BIRC6: variants seen among roughly 807,000 people sequenced by gnomAD.
BIRC6 encodes dual E2 ubiquitin-conjugating enzyme/E3 ubiquitin-protein ligase BIRC6.
A neutral mutation model predicts 503.3 loss-of-function variants in BIRC6; 98 were observed. The ratio of observed to expected loss-of-function variants is 0.19; its 90% CI spans 0.17 to 0.23. The LOEUF (loss-of-function observed/expected upper bound fraction) is 0.23. Among genes scored for constraint, BIRC6 ranks in the 10% least tolerant of loss-of-function variants. BIRC6 has a pLI of 1.00. For missense variants in BIRC6, 5,360 were observed against 5,806.0 expected (o/e 0.92, Z 2.50); for synonymous variants, 2,240 against 2,078.7 (o/e 1.08, Z -2.11).
At chr2:32,365,108 GCT>G (rs2034702671) in intron 1 of BIRC6, among the ~76,000 whole-genome samples, 1 of 152,016 alleles carries the variant, frequency 6.6e-6, no homozygotes, top group East Asian at 1.9e-4. Context: ...ATGTACTTTG[GCT>G]CTGTTTCTGG....
At position 32,583,772 on chromosome 2, in the gene BIRC6, C is replaced by G. The variant is rs376929856; in HGVS notation, c.13355+8406C>G. Among the ~76,000 whole-genome samples the G allele has an allele frequency of 5.9e-5, 9 of 152,246 alleles. No homozygotes were observed. In the East Asian group the frequency reaches 1.7e-3, roughly 29 times the overall value. Reference sequence around the variant, plus strand: ...CTGAGACAGTCTCTCACTCTGTCGCCCAGGCTGGAGTGCAGTGACATAATC... The same window carrying G: ...CTGAGACAGTCTCTCACTCTGTCGCGCAGGCTGGAGTGCAGTGACATAATC... On this transcript the variant is annotated intron_variant, in intron 66 of 73. Transcript: ENST00000421745.
At chr2:32,617,626 G>C (rs2063330343) in intron 73 of BIRC6, 99 bp from the exon 74 acceptor site, 1 of 1,266,126 alleles carries the variant, frequency 7.9e-7, no homozygotes, top group East Asian at 2.5e-5. Flanking sequence ...ATATTTGTAG[G>C]CTTAATGCTT....
chr2:32,519,172 A>G (rs1345727335), intron 57 of BIRC6: 2 of 403,850 alleles, frequency 5.0e-6, no homozygotes, highest in Admixed American at 3.7e-5. Flanking sequence ...ACAGTGAGAA[A>G]TGGGCAGCTA....
At chr2:32,386,139 G>C (rs776475255) in intron 3 of BIRC6, among the ~76,000 whole-genome samples, 9 of 152,212 alleles carry the variant, frequency 5.9e-5, no homozygotes, top group Non-Finnish European at 1.0e-4. Flanking sequence ...TCTAGAATGT[G>C]AGATGTGGTC....
chr2:32,460,272 A>ATATATATATT (rs1278940587), intron 23 of BIRC6, among the ~76,000 whole-genome samples: 4 of 18,818 alleles, frequency 2.1e-4, no homozygotes, highest in Admixed American at 1.3e-3. Flanking sequence ...ATATATATAT[A>ATATATATATT]TTTTTTTTTT....
chr2:32,597,745 T>G lies in BIRC6; in HGVS notation c.13613-6T>G. On this transcript the variant is annotated splice_polypyrimidine_tract_variant and splice_region_variant and intron_variant, in intron 68 of 73. Transcript: ENST00000421745. ...TTCTGGGTTTTATTTTTTCTTCTCCTTTTAGATACGTTTGAAATGGTTTCT... is the reference window on the plus strand; with the variant it reads ...TTCTGGGTTTTATTTTTTCTTCTCCGTTTAGATACGTTTGAAATGGTTTCT... 1 of 1,604,168 alleles carries G rather than the reference T, an allele frequency of 6.2e-7. No individual in the cohort carries two copies. Among genetic ancestry groups the G allele is most frequent in the Non-Finnish European group, 8.5e-7 (1 of 1,171,252 alleles).
rs201438883 is a variant in BIRC6 at position 32,607,405 on chromosome 2, C to T, written c.14071-50C>T. Reference sequence around the variant, plus strand: ...GTGGATAAAGCAGGATATCAGTTAACCCACAGTAAAAATGTCCCATCATAG... The same window carrying T: ...GTGGATAAAGCAGGATATCAGTTAATCCACAGTAAAAATGTCCCATCATAG... On this transcript the variant is annotated intron_variant, in intron 71 of 73. Transcript: ENST00000421745. 9.3e-6 allele frequency: 12 copies of T among 1,285,934 alleles called. No homozygotes were observed. The African/African-American group carries it at 1.5e-4, about 16-fold the overall frequency. The allele number at this position is 1,285,934 out of a possible 1,614,324, so 79.7% of individuals were successfully genotyped here.
intron 6 of BIRC6, among the ~76,000 whole-genome samples, chr2:32,400,572 C>T (rs2040496253): frequency 1.3e-5 from 2 of 152,154 alleles, no homozygotes; most frequent in East Asian, 1.9e-4. Flanking sequence ...CTCCTGACCT[C>T]ATGATCCACC....
intron 13 of BIRC6, 140 bp downstream of exon 13, chr2:32,433,944 T>C (rs1211689705): frequency 4.5e-6 from 3 of 670,014 alleles, no homozygotes; most frequent in East Asian, 5.6e-5. Context: ...TGATTTTATT[T>C]AAAAAAGTAA....
intron 45 of BIRC6, among the ~76,000 whole-genome samples, chr2:32,494,737 A>G (rs1458549732): frequency 6.7e-6 from 1 of 149,984 alleles, no homozygotes; most frequent in African/African-American, 2.4e-5. Context: ...CCCCTTCTCT[A>G]AAAAAAAAGA....
intron 73 of BIRC6, among the ~76,000 whole-genome samples, chr2:32,612,105 T>C (rs995110126): frequency 3.9e-5 from 6 of 152,058 alleles, no homozygotes; most frequent in Non-Finnish European, 7.4e-5. Context: ...TAGGCTCAAG[T>C]GATCCTCCCA....
chr2:32,458,792 C>G (rs1165243594), intron 23 of BIRC6, among the ~76,000 whole-genome samples: 1 of 146,734 alleles, frequency 6.8e-6, no homozygotes, highest in African/African-American at 2.5e-5. Context: ...CTCCTGGGCT[C>G]AAGTGATTCT....
chr2:32,365,352 C>T (rs2034743182), intron 1 of BIRC6, among the ~76,000 whole-genome samples: 1 of 148,174 alleles, frequency 6.7e-6, no homozygotes, highest in South Asian at 2.1e-4. Flanking sequence ...TGAGAGGTCG[C>T]CCTGTCGCCC....
At chr2:32,487,517 G>C (rs1039237299) in intron 40 of BIRC6, 130 bp from the exon 41 acceptor site, 4 of 736,442 alleles carry the variant, frequency 5.4e-6, no homozygotes, top group Non-Finnish European at 8.2e-6. Context: ...ACTAAATATT[G>C]TTTTGAACCA....
At chr2:32,581,083 A>G (rs371438969) in intron 66 of BIRC6, among the ~76,000 whole-genome samples, 6 of 152,338 alleles carry the variant, frequency 3.9e-5, no homozygotes, top group East Asian at 3.9e-4. Flanking sequence ...ACTCAGGCAG[A>G]AAGCTATGAT....
chr2:32,504,474 C>T (rs1309383721), intron 49 of BIRC6, among the ~76,000 whole-genome samples: 1 of 151,426 alleles, frequency 6.6e-6, no homozygotes, highest in African/African-American at 2.4e-5. Context: ...GAGACTGTCC[C>T]GGCTAACACG....
intron 23 of BIRC6, among the ~76,000 whole-genome samples, chr2:32,455,508 T>C (rs1574334575): frequency 6.6e-6 from 1 of 152,102 alleles, no homozygotes; most frequent in Non-Finnish European, 1.5e-5. Context: ...CTGCCTGTAG[T>C]CCCAGCTTCT....
intron 1 of BIRC6, among the ~76,000 whole-genome samples, chr2:32,371,271 T>G (rs951830978): frequency 3.3e-5 from 5 of 149,264 alleles, no homozygotes; most frequent in Non-Finnish European, 4.5e-5. Context: ...GGGACATACC[T>G]TATAGGATGT....
rs2063349380 is a variant in BIRC6, at chr2:32,618,025, T to G, written c.*121T>G. Reference sequence around the variant, plus strand: ...ATGAAACTGAAACTATACTATGCCCTTAAGGAGATCCAGTTTAATTCAAGG... The same window carrying G: ...ATGAAACTGAAACTATACTATGCCCGTAAGGAGATCCAGTTTAATTCAAGG... On this transcript the variant is annotated 3_prime_UTR_variant, in exon 74 of 74. Coordinates refer to ENST00000421745, the MANE Select transcript of BIRC6 (RefSeq NM_016252.4). The G allele has an allele frequency of 6.3e-6, 6 of 952,846 alleles. No individual in the cohort carries two copies. In the East Asian group the frequency reaches 1.6e-4, roughly 25 times the overall value. 59.0% of individuals were successfully genotyped at this position (952,846 alleles called of 1,614,324 possible).
Sources: gnomAD v4.1 joint callset for allele counts (sites outside exome capture counted in the v4.1 genomes callset) on GRCh38, gnomAD v4.1.1 for gene constraint, MANE v1.5 for transcripts, NCBI Gene and HGNC (gene_info 2026-07-23, HGNC 2026-07-21) for gene names.